Variants in UBA2 observed in about 807,000 individuals in gnomAD.
The protein encoded by UBA2 is ubiquitin like modifier activating enzyme 2, also known as SUMO-activating enzyme subunit 2.
Under a neutral mutation model 77.2 loss-of-function variants are expected in UBA2, and 11 were observed. The ratio of observed to expected loss-of-function variants is 0.14; its 90% confidence interval spans 0.09 to 0.24. The LOEUF (loss-of-function observed/expected upper bound fraction) is 0.24, where lower values mean the gene tolerates loss of function less well. UBA2 is among the 10% of genes least tolerant of loss of function. The pLI is 1.00. For missense variants in UBA2, 487 were observed against 781.7 expected (o/e 0.62, Z 4.50); for synonymous variants, 278 against 276.7 (o/e 1.00, Z -0.05).
Position 34,429,205 on chromosome 19 carries a change from A to T in UBA2, c.138+635A>T, listed in dbSNP as rs992539908. 5 of 985,278 alleles carry T rather than the reference A, an allele frequency of 5.1e-6. No homozygotes were observed. The African/African-American group carries it at 8.7e-5, about 17-fold the overall frequency. The allele number at this position is 985,278 out of a possible 1,614,324, so 61.0% of individuals were successfully genotyped here. The stretch of plus-strand genomic sequence containing the variant: ...GGCTCCCGCAGGCTGCGTGACTGTC[A>T]TTGCTCTCACAGTAGACGGTACACT... On this transcript the variant is annotated intron_variant, in intron 1 of 16. Coordinates refer to ENST00000246548, the MANE Select transcript of UBA2 (RefSeq NM_005499.3).
chr19:34,464,383 C>A (rs1053985685), intron 15 of UBA2, among the ~76,000 whole-genome samples: 1 of 151,862 alleles, frequency 6.6e-6, no homozygotes, highest in Non-Finnish European at 1.5e-5. Context: ...CACGGTGAAA[C>A]CCCGTCTCTG....
chr19:34,446,723 C>G (rs553307965), intron 8 of UBA2, among the ~76,000 whole-genome samples: 2 of 152,036 alleles, frequency 1.3e-5, no homozygotes, highest in South Asian at 4.1e-4. Context: ...ATTCTCCTGC[C>G]TCAGCCTCCT....
At chr19:34,457,426 G>A (rs1200400518) in intron 12 of UBA2, among the ~76,000 whole-genome samples, 1 of 151,872 alleles carries the variant, frequency 6.6e-6, no homozygotes, top group African/African-American at 2.4e-5. Flanking sequence ...ATGAATTCCA[G>A]CCTGGATTAA....
Position 34,431,851 on chromosome 19 carries a change from A to AT in UBA2, c.223-5dup, listed in dbSNP as rs2075259553. ...ATATTGTAGTAATTCAGTGTTGTTT[A>AT]TTTTTCCAGGTTGCCAAGGAAAGTG... On this transcript the variant is annotated splice_polypyrimidine_tract_variant and intron_variant, in intron 2 of 16. Transcript: ENST00000246548. The AT allele has an allele frequency of 1.9e-6, 3 of 1,612,362 alleles. No homozygotes were observed. The highest frequency in any genetic ancestry group is 2.7e-5 in the African/African-American group (2 of 74,816).
chr19:34,448,566 G>C (rs988284777), intron 8 of UBA2, among the ~76,000 whole-genome samples: 2 of 152,214 alleles, frequency 1.3e-5, no homozygotes, highest in Admixed American at 6.5e-5. Flanking sequence ...CTGCACTTCA[G>C]CCTGGGCAGG....
chr19:34,450,770 A>G (rs1470068610), intron 9 of UBA2, among the ~76,000 whole-genome samples: 1 of 95,806 alleles, frequency 1.0e-5, no homozygotes, highest in East Asian at 3.2e-4. Flanking sequence ...TTTTTTTGAG[A>G]CCGTGTCTCG....
intron 7 of UBA2, among the ~76,000 whole-genome samples, chr19:34,444,487 C>G (rs2075406888): frequency 6.6e-6 from 1 of 152,146 alleles, no homozygotes; most frequent in Non-Finnish European, 1.5e-5. Flanking sequence ...GTGCTTTGAA[C>G]TGTTATATGT....
chr19:34,448,751 T>G (rs965757387), intron 8 of UBA2, among the ~76,000 whole-genome samples: 2 of 152,100 alleles, frequency 1.3e-5, no homozygotes, highest in Non-Finnish European at 2.9e-5. Context: ...CAACTAGGGA[T>G]ATGGTTGGGA....
chr19:34,457,915 G>A (rs10406064), intron 12 of UBA2, among the ~76,000 whole-genome samples: 1,556 of 152,188 alleles, frequency 0.01, 26 homozygotes, highest in African/African-American at 0.035. Flanking sequence ...TTAGAGAAAT[G>A]GTAAATAGGT....
chr19:34,449,022 T>A (rs1433562832), intron 8 of UBA2, among the ~76,000 whole-genome samples: 1 of 151,862 alleles, frequency 6.6e-6, no homozygotes, highest in Non-Finnish European at 1.5e-5. Flanking sequence ...CATGTTGCTG[T>A]CATAAGGAGA....
At chr19:34,460,002 TTTCC>T (rs1434721905) in intron 13 of UBA2, among the ~76,000 whole-genome samples, 1 of 152,252 alleles carries the variant, frequency 6.6e-6, no homozygotes, top group Non-Finnish European at 1.5e-5. Flanking sequence ...TTCCTCCTTT[TTTCC>T]TTCTTTCTTT....
At chr19:34,428,626 C>T in intron 1 of UBA2, 56 bp downstream of exon 1, 1 of 668,388 alleles carries the variant, frequency 1.5e-6, no homozygotes, top group Non-Finnish European at 1.9e-6. Context: ...GGCTGGGATT[C>T]GGGGGTTCCG....
chr19:34,460,070 A>ACTC (rs1321448357), intron 13 of UBA2, among the ~76,000 whole-genome samples: 4 of 152,278 alleles, frequency 2.6e-5, no homozygotes, highest in African/African-American at 9.6e-5. Flanking sequence ...AATGCATGGA[A>ACTC]CGGGGAGACT....
chr19:34,446,593 T>A (rs1051642045), intron 8 of UBA2, among the ~76,000 whole-genome samples: 1 of 141,718 alleles, frequency 7.1e-6, no homozygotes, highest in East Asian at 2.2e-4. Flanking sequence ...ATGTCACATG[T>A]TGACTTTTTT....
At position 34,464,263 on chromosome 19, in the gene UBA2, T is replaced by C. The variant is rs143772310; in HGVS notation, c.1604+132T>C. ...AAACTGTATAGTATATTTGGTTGAG[T>C]TGGTCACTGAGTTCCGTGATGTTTG... On this transcript the variant is annotated intron_variant, in intron 15 of 16. Coordinates refer to ENST00000246548, the MANE Select transcript of UBA2 (RefSeq NM_005499.3). The C allele has an allele frequency of 1.3e-4, 83 of 619,358 alleles. No individual in the cohort carries two copies. The East Asian group carries it at 2.1e-3, about 16-fold the overall frequency. 38.4% of individuals were successfully genotyped at this position (619,358 alleles called of 1,614,324 possible).
chr19:34,450,443 C>T, intron 9 of UBA2, 79 bp downstream of exon 9: 1 of 955,374 alleles, frequency 1.0e-6, no homozygotes, highest in Non-Finnish European at 1.5e-6. Flanking sequence ...CCTGTTGTTG[C>T]TTGAAAATGA....
intron 14 of UBA2, among the ~76,000 whole-genome samples, chr19:34,461,110 C>T (rs2145562052): frequency 6.6e-6 from 1 of 152,318 alleles, no homozygotes; most frequent in Non-Finnish European, 1.5e-5. Context: ...GTTATTCCTC[C>T]TTCAGACTGT....
chr19:34,461,537 G>A (rs1024173342), intron 14 of UBA2, among the ~76,000 whole-genome samples: 1 of 152,208 alleles, frequency 6.6e-6, no homozygotes, highest in Non-Finnish European at 1.5e-5. Context: ...ATTATATGCT[G>A]TCCCTTAGTT....
At chr19:34,429,324 AAACTTTTTAG>A (rs2075225241) in intron 1 of UBA2, 2 of 881,906 alleles carry the variant, frequency 2.3e-6, no homozygotes, top group African/African-American at 3.6e-5. Flanking sequence ...CTACTAATGC[AAACTTTTTAG>A]AGATTGGAGA....
Sources: gnomAD v4.1 joint callset for allele counts (sites outside exome capture counted in the v4.1 genomes callset) on GRCh38, gnomAD v4.1.1 for gene constraint, MANE v1.5 for transcripts, NCBI Gene and HGNC (gene_info 2026-07-23, HGNC 2026-07-21) for gene names.